ANO1: variants seen among roughly 807,000 people sequenced by gnomAD.
ANO1 encodes the protein anoctamin-1.
Under a neutral mutation model 124.0 loss-of-function variants are expected in ANO1, and 59 were observed. The ratio of observed to expected loss-of-function variants is 0.48; its 90% CI spans 0.39 to 0.59. The LOEUF (loss-of-function observed/expected upper bound fraction) is 0.59, where lower values mean the gene tolerates loss of function less well. Among genes scored for constraint, ANO1 ranks in the 20% least tolerant of loss-of-function variants. The probability of loss-of-function intolerance (pLI) is 0.00; values close to 1 mark genes in which losing one functional copy is unlikely to be tolerated. For missense variants in ANO1, 1,059 were observed against 1,328.0 expected (o/e 0.80, Z 3.15); for synonymous variants, 529 against 532.0 (o/e 0.99, Z 0.08).
chr11:70,078,731 G>A lies in ANO1; in HGVS notation c.108+17G>A, dbSNP rs779351081. ...GAGGGCACGGTGAGTGCGGGCGGCC[G>A]CGACCCGGGCGGGAGGGCCGCGCAC... On this transcript the variant is annotated intron_variant, in intron 1 of 25. Transcript: ENST00000355303. 6.3e-6 allele frequency: 9 copies of A among 1,438,792 alleles called. No homozygotes were observed. The highest frequency in any genetic ancestry group is 7.4e-6 in the Non-Finnish European group (8 of 1,079,586). 89.1% of individuals were successfully genotyped at this position (1,438,792 alleles called of 1,614,324 possible).
chr11:70,032,759 G>A (rs1377764070), intron 1 of ANO1, among the ~76,000 whole-genome samples: 5 of 152,062 alleles, frequency 3.3e-5, no homozygotes, highest in Admixed American at 3.3e-4. Flanking sequence ...TGCCTTTTTT[G>A]TCTTCAAATT....
chr11:70,126,261 G>A (rs1163079153), intron 10 of ANO1, 66 bp downstream of exon 10: 5 of 1,540,280 alleles, frequency 3.2e-6, no homozygotes, highest in Non-Finnish European at 4.4e-6. Flanking sequence ...CATCCCAGCT[G>A]CACAATTCAT....
At chr11:70,096,588 C>T (rs943287169) in intron 2 of ANO1, among the ~76,000 whole-genome samples, 3 of 152,214 alleles carry the variant, frequency 2.0e-5, no homozygotes, top group South Asian at 2.1e-4. Flanking sequence ...CAGCCGGGAG[C>T]GGTGGCTCAT....
At chr11:70,133,959 G>A (rs899407917) in intron 11 of ANO1, among the ~76,000 whole-genome samples, 3 of 152,298 alleles carry the variant, frequency 2.0e-5, no homozygotes, top group African/African-American at 7.2e-5. Flanking sequence ...CCGGAGACCC[G>A]GGACAGAGGC....
At chr11:70,164,171 G>A (rs2048166302) in intron 19 of ANO1, among the ~76,000 whole-genome samples, 1 of 152,198 alleles carries the variant, frequency 6.6e-6, no homozygotes, top group East Asian at 1.9e-4. Flanking sequence ...GGCTCCATCA[G>A]ACCAAGCCGG....
chr11:70,094,185 C>T (rs2044750297), intron 2 of ANO1, among the ~76,000 whole-genome samples: 2 of 152,192 alleles, frequency 1.3e-5, no homozygotes, highest in African/African-American at 4.8e-5. Context: ...CAGAGGGGAA[C>T]CGCAAGTCCC....
chr11:69,971,828 G>T, the ANO1 span, among the ~76,000 whole-genome samples: 14,307 of 152,088 alleles, frequency 0.094, 917 homozygotes, highest in Admixed American at 0.15. Context: ...CTGCCGGAAA[G>T]GTGACTCTTA....
intron 2 of ANO1, among the ~76,000 whole-genome samples, chr11:70,095,478 A>G (rs2044911221): frequency 2.6e-5 from 4 of 152,204 alleles, no homozygotes; most frequent in Non-Finnish European, 5.9e-5. Flanking sequence ...CCTTTTTAAA[A>G]ATTCATGTTT....
the ANO1 span, among the ~76,000 whole-genome samples, chr11:69,975,506 A>G: frequency 2.5e-4 from 38 of 152,220 alleles, no homozygotes; most frequent in Non-Finnish European, 4.7e-4. Context: ...GGAGCTGAGC[A>G]AGCCCCTGAG....
chr11:70,038,141 A>G (rs1857124900), intron 1 of ANO1, among the ~76,000 whole-genome samples: 2 of 152,166 alleles, frequency 1.3e-5, no homozygotes, highest in Non-Finnish European at 1.5e-5. Flanking sequence ...TGCTCTATGC[A>G]TATCTATATA....
At chr11:70,123,888 G>T (rs1284714924) in intron 8 of ANO1, among the ~76,000 whole-genome samples, 3 of 152,162 alleles carry the variant, frequency 2.0e-5, no homozygotes, top group Non-Finnish European at 2.9e-5. Context: ...AAAGCCTGGG[G>T]GGGTAACAGG....
chr11:69,982,191 A>T (rs891373661), upstream of ANO1, among the ~76,000 whole-genome samples: 2 of 152,184 alleles, frequency 1.3e-5, no homozygotes, highest in African/African-American at 4.8e-5. Context: ...ATGTCACCCC[A>T]GTGAATTGTT....
upstream of ANO1, among the ~76,000 whole-genome samples, chr11:70,076,863 G>A (rs1194700327): frequency 6.6e-6 from 1 of 152,168 alleles, no homozygotes; most frequent in Non-Finnish European, 1.5e-5. Flanking sequence ...GAAAGGGTAG[G>A]TCATGACAAG....
intron 2 of ANO1, among the ~76,000 whole-genome samples, chr11:70,095,414 G>GAAAGA (rs1565194393): frequency 5.8e-5 from 4 of 69,066 alleles, no homozygotes; most frequent in Non-Finnish European, 1.4e-4. Context: ...AAGAAAGAAA[G>GAAAGA]AAAGAAAGAA....
At chr11:70,118,302 A>T (rs2046078017) in intron 8 of ANO1, among the ~76,000 whole-genome samples, 1 of 151,354 alleles carries the variant, frequency 6.6e-6, no homozygotes, top group Non-Finnish European at 1.5e-5. Context: ...TCATTCAGTT[A>T]CTTATTCATT....
the ANO1 span, among the ~76,000 whole-genome samples, chr11:69,970,091 G>A: frequency 1.4e-4 from 22 of 152,336 alleles, no homozygotes; most frequent in East Asian, 3.5e-3. Context: ...TGAGGGTGAC[G>A]TGTTCTCAGA....
At chr11:70,056,220 T>A (rs534164859) in intron 1 of ANO1, 1 of 152,234 alleles carries the variant, frequency 6.6e-6, no homozygotes, top group Non-Finnish European at 1.5e-5. Context: ...ATGAATTCTC[T>A]TAGTTTCTGT....
chr11:70,149,664 A>G (rs1376551420), intron 11 of ANO1, 46 bp from the exon 12 acceptor site: 2 of 1,554,644 alleles, frequency 1.3e-6, no homozygotes, highest in Admixed American at 1.9e-5. Flanking sequence ...AAAAAAAAAA[A>G]ATGCCTTTAT....
intron 1 of ANO1, among the ~76,000 whole-genome samples, chr11:70,002,851 G>A (rs1197534474): frequency 6.6e-6 from 1 of 152,064 alleles, no homozygotes; most frequent in Non-Finnish European, 1.5e-5. Flanking sequence ...ATACCCCAAA[G>A]TGAGTTCCAG....
Sources: gnomAD v4.1 joint callset for allele counts (sites outside exome capture counted in the v4.1 genomes callset) on GRCh38, gnomAD v4.1.1 for gene constraint, MANE v1.5 for transcripts, NCBI Gene and HGNC (gene_info 2026-07-23, HGNC 2026-07-21) for gene names.